RBFOX1: variants seen among roughly 807,000 people sequenced by gnomAD.
The protein encoded by RBFOX1 is RNA binding fox-1 homolog 1, also known as RNA binding protein fox-1 homolog 1.
A neutral mutation model predicts 57.7 loss-of-function variants in RBFOX1; 8 were observed. The ratio of observed to expected loss-of-function variants is 0.14; its 90% CI spans 0.08 to 0.25. The LOEUF is 0.25. RBFOX1 is among the 10% of genes least tolerant of loss of function. RBFOX1 has a pLI of 1.00. For missense variants in RBFOX1, 611 were observed against 548.5 expected, an observed-to-expected ratio of 1.11 and a Z score of -1.14; for synonymous variants, 326 against 222.4, an observed-to-expected ratio of 1.47 and a Z score of -4.15.
intron 3 of RBFOX1, among the ~76,000 whole-genome samples, chr16:5,718,179 T>C (rs1280668020): frequency 1.3e-5 from 2 of 152,248 alleles, no homozygotes; most frequent in East Asian, 3.8e-4. Flanking sequence ...GAATAGCTGC[T>C]GTTCTTTAAG....
chr16:6,479,605 G>T (rs1023998642), intron 2 of RBFOX1, among the ~76,000 whole-genome samples: 4 of 152,002 alleles, frequency 2.6e-5, no homozygotes, highest in Admixed American at 2.6e-4. Flanking sequence ...AAAAAGAAAA[G>T]AAAACCATGA....
intron 2 of RBFOX1, among the ~76,000 whole-genome samples, chr16:6,337,553 G>A (rs566157559): frequency 6.6e-6 from 1 of 152,208 alleles, no homozygotes; most frequent in Non-Finnish European, 1.5e-5. Context: ...TCTCTCAATT[G>A]TACACCTGGA....
At chr16:6,972,977 A>C (rs1056812211) in intron 3 of RBFOX1, among the ~76,000 whole-genome samples, 2 of 151,950 alleles carry the variant, frequency 1.3e-5, no homozygotes, top group Admixed American at 1.3e-4. Flanking sequence ...TACAAATAAA[A>C]ATAGTTAGCC....
At position 7,237,227 on chromosome 16, in the gene RBFOX1, T is replaced by C. The variant is rs528423387; in HGVS notation, c.27+185129T>C. On this transcript the variant is annotated intron_variant, in intron 4 of 15. Coordinates refer to ENST00000550418, the MANE Select transcript of RBFOX1 (RefSeq NM_018723.4). ...TGGCATCTGGGTTCTTGCCTTGTAATCCAGAAGACCACATGCTGGATCAGC... is the reference window on the plus strand; with the variant it reads ...TGGCATCTGGGTTCTTGCCTTGTAACCCAGAAGACCACATGCTGGATCAGC... Among the ~76,000 whole-genome samples the C allele has an allele frequency of 3.9e-5, 6 of 152,302 alleles. No homozygotes were observed. The South Asian group carries it at 1.0e-3, about 26-fold the overall frequency.
chr16:6,909,641 A>G (rs1442764166), intron 3 of RBFOX1, among the ~76,000 whole-genome samples: 1 of 152,180 alleles, frequency 6.6e-6, no homozygotes, highest in Non-Finnish European at 1.5e-5. Flanking sequence ...AAATCAGACA[A>G]AGAAATTATC....
intron 4 of RBFOX1, among the ~76,000 whole-genome samples, chr16:7,311,154 C>T (rs562313311): frequency 2.0e-5 from 3 of 152,280 alleles, no homozygotes; most frequent in African/African-American, 7.2e-5. Context: ...GTCTACATCC[C>T]AAGGAGGGCT....
intron 3 of RBFOX1, among the ~76,000 whole-genome samples, chr16:6,669,972 C>A (rs773546290): frequency 1.3e-5 from 2 of 152,146 alleles, no homozygotes; most frequent in Non-Finnish European, 2.9e-5. Flanking sequence ...CAAAATAGCA[C>A]CCTAACTTAC....
chr16:5,564,684 T>C (rs2046001690), intron 2 of RBFOX1, among the ~76,000 whole-genome samples: 1 of 152,194 alleles, frequency 6.6e-6, no homozygotes, highest in Non-Finnish European at 1.5e-5. Flanking sequence ...CTCTCCAGGC[T>C]TTCTGGCAAG....
intron 4 of RBFOX1, among the ~76,000 whole-genome samples, chr16:7,269,616 C>A (rs929211420): frequency 1.3e-5 from 2 of 152,082 alleles, no homozygotes; most frequent in Non-Finnish European, 2.9e-5. Context: ...TGTAATGATT[C>A]CATAATGTTC....
intron 3 of RBFOX1, among the ~76,000 whole-genome samples, chr16:5,668,955 T>C (rs965430005): frequency 1.3e-5 from 2 of 152,202 alleles, no homozygotes; most frequent in Admixed American, 1.3e-4. Flanking sequence ...TCCAGCAGGA[T>C]GCCTATGTAG....
chr16:7,266,887 A>G (rs1435460385), intron 4 of RBFOX1, among the ~76,000 whole-genome samples: 1 of 151,974 alleles, frequency 6.6e-6, no homozygotes, highest in Non-Finnish European at 1.5e-5. Flanking sequence ...ACTGGGGGTG[A>G]GTGGTGTGGA....
chr16:7,193,143 G>T (rs2085843476), intron 4 of RBFOX1, among the ~76,000 whole-genome samples: 1 of 152,174 alleles, frequency 6.6e-6, no homozygotes, highest in East Asian at 1.9e-4. Flanking sequence ...GCATTATCCT[G>T]GATTATCTGG....
At chr16:7,469,901 A>C (rs1035444799) in intron 4 of RBFOX1, among the ~76,000 whole-genome samples, 11 of 152,134 alleles carry the variant, frequency 7.2e-5, no homozygotes, top group Non-Finnish European at 1.5e-4. Flanking sequence ...TGACTACGCT[A>C]AGTACCTCAT....
intron 4 of RBFOX1, among the ~76,000 whole-genome samples, chr16:7,424,289 T>G (rs1276738222): frequency 1.3e-5 from 2 of 152,000 alleles, no homozygotes; most frequent in Admixed American, 1.3e-4. Context: ...GGTGGGGGTC[T>G]AGCTCTGTCA....
intron 4 of RBFOX1, among the ~76,000 whole-genome samples, chr16:7,434,795 A>C (rs1352097952): frequency 6.7e-6 from 1 of 150,212 alleles, no homozygotes; most frequent in Admixed American, 6.7e-5. Flanking sequence ...GCTGGAGTGC[A>C]GTGGTGTGAT....
rs567991075 is a variant in RBFOX1 at position 6,604,925 on chromosome 16, C to T, written c.-63-49678C>T. 1.9e-4 allele frequency among the ~76,000 whole-genome samples: 29 copies of T among 152,096 alleles called. 1 individual carries two copies. The South Asian group carries it at 6.0e-3, about 32-fold the overall frequency. ...CTTAGGCAGGCAGGTTACTTGAGCC[C>T]AGAATTTGAGACCAGCCTGGGCGAC... On this transcript the variant is annotated intron_variant, in intron 2 of 15. Coordinates refer to ENST00000550418, the MANE Select transcript of RBFOX1 (RefSeq NM_018723.4).
intron 4 of RBFOX1, among the ~76,000 whole-genome samples, chr16:5,940,479 G>A (rs944206854): frequency 1.3e-5 from 2 of 152,142 alleles, no homozygotes; most frequent in Non-Finnish European, 2.9e-5. Flanking sequence ...AAACCATGGG[G>A]GAATGTCAGA....
chr16:5,640,764 C>A (rs2048838137), intron 3 of RBFOX1, among the ~76,000 whole-genome samples: 4 of 150,680 alleles, frequency 2.7e-5, no homozygotes, highest in Non-Finnish European at 4.4e-5. Context: ...ACCATGGATA[C>A]ACACAGGCAC....
Position 7,587,310 on chromosome 16 carries a change from T to C in RBFOX1, c.468+10T>C. 1 of 1,548,268 alleles carries C rather than the reference T, an allele frequency of 6.5e-7. No individual in the cohort carries two copies. Reference sequence around the variant, plus strand: ...TGAGCGAGGCTCAAAGGTAAGCAACTTAATTCACTTTAGAATTGTTTAGTT... The same window carrying C: ...TGAGCGAGGCTCAAAGGTAAGCAACCTAATTCACTTTAGAATTGTTTAGTT... On this transcript the variant is annotated intron_variant, in intron 7 of 15. Transcript: ENST00000550418.
Sources: allele counts gnomAD v4.1 joint callset (sites outside exome capture counted in the v4.1 genomes callset), GRCh38; gene constraint gnomAD v4.1.1; transcripts MANE v1.5; gene names NCBI Gene and HGNC (gene_info 2026-07-23, HGNC 2026-07-21).